The following DCC variants were observed in gnomAD, a reference collection of about 807,000 sequenced individuals.
The protein encoded by DCC is DCC netrin 1 receptor.
Under a neutral mutation model 172.5 loss-of-function variants are expected in DCC, and 58 were observed. The observed-to-expected ratio is 0.34, with a 90% CI of 0.27 to 0.42. DCC has a LOEUF of 0.42. DCC is among the 10% of genes least tolerant of loss of function. The pLI, the probability that DCC is intolerant of heterozygous loss-of-function variation, is 1.00. For missense variants in DCC, 1,740 were observed against 1,791.0 expected (o/e 0.97, Z 0.51); for synonymous variants, 709 against 644.5 (o/e 1.10, Z -1.52).
At chr18:53,157,244 A>C (rs2144396576) in intron 7 of DCC, 112 bp from the exon 8 acceptor site, 1 of 1,300,318 alleles carries the variant, frequency 7.7e-7, no homozygotes, top group Admixed American at 1.7e-5. Context: ...TTGCTTTAGA[A>C]TCAAGGTGAC....
At chr18:52,765,199 AAT>A (rs1491474714) in intron 2 of DCC, among the ~76,000 whole-genome samples, 2 of 120,106 alleles carry the variant, frequency 1.7e-5, no homozygotes, top group African/African-American at 3.4e-5. Flanking sequence ...ACTCCTGGCT[AAT>A]TTTTTTTTTT....
At chr18:53,298,604 GA>G (rs1019578042) in intron 12 of DCC, among the ~76,000 whole-genome samples, 15 of 147,010 alleles carry the variant, frequency 1.0e-4, no homozygotes, top group African/African-American at 3.0e-4. Context: ...ACAATAATTG[GA>G]AATTAAAAGG....
intron 7 of DCC, among the ~76,000 whole-genome samples, chr18:53,134,983 G>A (rs760945859): frequency 6.6e-6 from 1 of 152,142 alleles, no homozygotes; most frequent in Non-Finnish European, 1.5e-5. Flanking sequence ...TTAGTACTAG[G>A]TTGTCAGTTG....
intron 5 of DCC, among the ~76,000 whole-genome samples, chr18:52,956,011 A>G (rs568212904): frequency 1.8e-3 from 277 of 151,726 alleles, no homozygotes; most frequent in African/African-American, 5.9e-3. Flanking sequence ...TCTCCCAGTC[A>G]GTGACTTGTC....
chr18:52,906,467 C>T (rs2039883678), intron 3 of DCC, 139 bp downstream of exon 3: 2 of 935,320 alleles, frequency 2.1e-6, no homozygotes, highest in Non-Finnish European at 1.6e-6. Context: ...TTCTTTCTTC[C>T]TTGCCGAAGC....
At chr18:52,451,555 GCT>G (rs920676888) in intron 1 of DCC, among the ~76,000 whole-genome samples, 10 of 152,176 alleles carry the variant, frequency 6.6e-5, no homozygotes, top group Non-Finnish European at 1.2e-4. Flanking sequence ...GGTTTATTGT[GCT>G]CTGTTCAATA....
At chr18:52,485,560 A>G (rs1273613524) in intron 1 of DCC, among the ~76,000 whole-genome samples, 4 of 152,120 alleles carry the variant, frequency 2.6e-5, no homozygotes, top group Admixed American at 6.6e-5. Flanking sequence ...ACTGGCATCA[A>G]CAGCTTTTAT....
intron 1 of DCC, among the ~76,000 whole-genome samples, chr18:52,617,529 T>C (rs1010079289): frequency 1.3e-5 from 2 of 152,174 alleles, no homozygotes; most frequent in Non-Finnish European, 2.9e-5. Flanking sequence ...TCTTTGCCTC[T>C]CACTCTTTTT....
chr18:52,576,949 G>A (rs908368916), intron 1 of DCC, among the ~76,000 whole-genome samples: 1 of 151,872 alleles, frequency 6.6e-6, no homozygotes, highest in Non-Finnish European at 1.5e-5. Context: ...CATTTCATGT[G>A]CAGTTTTATT....
chr18:52,529,437 C>A (rs1055789478), intron 1 of DCC, among the ~76,000 whole-genome samples: 1 of 152,102 alleles, frequency 6.6e-6, no homozygotes, highest in Non-Finnish European at 1.5e-5. Context: ...ACTACAGGCG[C>A]CTGCCACCAC....
chr18:52,422,669 T>C (rs1987288562), intron 1 of DCC, among the ~76,000 whole-genome samples: 1 of 152,180 alleles, frequency 6.6e-6, no homozygotes, highest in Non-Finnish European at 1.5e-5. Context: ...CATTACCAGA[T>C]GTGCAATGCA....
rs1236654287 is a variant in DCC at position 53,428,970 on chromosome 18, A to T, written c.3164-6174A>T. ...ATATATAACATATTATATTTTATAT[A>T]TAACATATATATATTTTATATATTT... is the stretch of plus-strand genomic sequence containing the variant. On this transcript the variant is annotated intron_variant, in intron 21 of 28. Transcript: ENST00000442544. Among the ~76,000 whole-genome samples, 2 of 85,190 alleles carry T rather than the reference A, an allele frequency of 2.3e-5. 1 individual carries two copies. Among genetic ancestry groups the T allele is most frequent in the Non-Finnish European group, 4.3e-5 (2 of 46,988 alleles). The allele number at this position is 85,190 out of a possible 152,430, so 55.9% of individuals were successfully genotyped here.
chr18:53,225,886 G>T (rs147744871), intron 12 of DCC, among the ~76,000 whole-genome samples: 108 of 152,188 alleles, frequency 7.1e-4, no homozygotes, highest in African/African-American at 2.0e-3. Flanking sequence ...GGGAAGAACG[G>T]GTCAGGGGGA....
chr18:53,302,972 A>C (rs1199267137), intron 12 of DCC, among the ~76,000 whole-genome samples: 4 of 152,166 alleles, frequency 2.6e-5, no homozygotes, highest in African/African-American at 9.7e-5. Flanking sequence ...TTTGTTTAAT[A>C]TTCCACAATC....
chr18:52,938,229 A>T (rs1405762865), intron 5 of DCC, among the ~76,000 whole-genome samples: 1 of 152,160 alleles, frequency 6.6e-6, no homozygotes, highest in Non-Finnish European at 1.5e-5. Flanking sequence ...TGTGATAAAG[A>T]TTCATACCAT....
chr18:52,573,324 G>C (rs2033342946), intron 1 of DCC, among the ~76,000 whole-genome samples: 1 of 151,578 alleles, frequency 6.6e-6, no homozygotes, highest in Non-Finnish European at 1.5e-5. Flanking sequence ...AAGAAGGAGA[G>C]CTTTTATTCT....
intron 1 of DCC, among the ~76,000 whole-genome samples, chr18:52,715,451 C>A (rs1263361052): frequency 6.6e-6 from 1 of 151,882 alleles, no homozygotes; most frequent in Non-Finnish European, 1.5e-5. Context: ...AGGCACCTGC[C>A]ACCACACCCA....
intron 2 of DCC, among the ~76,000 whole-genome samples, chr18:52,861,556 C>T (rs753462970): frequency 6.6e-6 from 1 of 152,044 alleles, no homozygotes; most frequent in Non-Finnish European, 1.5e-5. Flanking sequence ...TTCAGTTTTG[C>T]CCACAAGAGT....
chr18:53,470,657 T>A (rs2045683801), intron 25 of DCC, among the ~76,000 whole-genome samples: 1 of 151,958 alleles, frequency 6.6e-6, no homozygotes, highest in African/African-American at 2.4e-5. Flanking sequence ...GGAGGCCTCA[T>A]GAAACTCAGA....
Sources: allele counts gnomAD v4.1 joint callset (sites outside exome capture counted in the v4.1 genomes callset), GRCh38; gene constraint gnomAD v4.1.1; transcripts MANE v1.5; gene names NCBI Gene and HGNC (gene_info 2026-07-23, HGNC 2026-07-21).